Variants in DGKA observed in about 807,000 individuals in gnomAD.
DGKA encodes the protein diacylglycerol kinase alpha.
DGKA carries 35 observed loss-of-function variants against 105.0 expected under a neutral mutation model. The observed-to-expected ratio is 0.33, with a 90% CI of 0.25 to 0.44. The LOEUF (loss-of-function observed/expected upper bound fraction) is 0.44, where lower values mean the gene tolerates loss of function less well. DGKA is among the 20% of genes least tolerant of loss of function. The pLI, the probability that DGKA is intolerant of heterozygous loss-of-function variation, is 1.00. For missense variants in DGKA, 665 were observed against 915.0 expected (o/e 0.73, Z 3.53); for synonymous variants, 296 against 332.0 (o/e 0.89, Z 1.18).
chr12:55,938,172 G>A, intron 5 of DGKA, 120 bp downstream of exon 5: 3 of 930,450 alleles, frequency 3.2e-6, no homozygotes, highest in Non-Finnish European at 5.0e-6. Context: ...ACAAAGGTGG[G>A]GCCAGAGAAT....
chr12:55,951,827 A>G, intron 18 of DGKA, 44 bp downstream of exon 18: 2 of 1,601,620 alleles, frequency 1.2e-6, no homozygotes, highest in Non-Finnish European at 8.5e-7. Flanking sequence ...AGGGGGGGCC[A>G]AGCAGTCAGA....
rs796401115 is a variant in DGKA, at chr12:55,932,692, TACAC to T, written c.-82+1361_-82+1364del. 62 of 578,892 alleles carry T rather than the reference TACAC, an allele frequency of 1.1e-4. No individual in the cohort carries two copies. The highest frequency in any genetic ancestry group is 1.7e-4 in the African/African-American group (8 of 46,590). The allele number at this position is 578,892 out of a possible 1,614,324, so 35.9% of individuals were successfully genotyped here. On this transcript the variant is annotated intron_variant, in intron 1 of 23. Transcript: ENST00000331886. This position sits in a 1 kb window ranked among gnomAD's most constrained non-coding sequence, Gnocchi z 4.3. ...TCCTATACTACGCAATGACACCCTC[TACAC>T]ACACACACACACGCACACACACACA...
At position 55,953,340 on chromosome 12, in the gene DGKA, C is replaced by T; in HGVS notation, c.2064-10C>T. On this transcript the variant is annotated splice_polypyrimidine_tract_variant and intron_variant, in intron 22 of 23. Transcript: ENST00000331886. ...TAAGGAAATCACCAATGTTCCTTGG[C>T]CTCCTATAGCACCACAAAAACCCTT... 1 of 1,614,058 alleles carries T rather than the reference C, an allele frequency of 6.2e-7. No individual in the cohort carries two copies. The highest frequency in any genetic ancestry group is 8.5e-7 in the Non-Finnish European group (1 of 1,179,988).
Position 55,938,421 on chromosome 12 carries a change from T to G in DGKA, c.350-90T>G, listed in dbSNP as rs1031999186. ...CTAGGCTTCTCACCCAAAAGCTCTC[T>G]CCCTGTCTCTTTGTTTCCCCCATAT... On this transcript the variant is annotated intron_variant, in intron 5 of 23. Transcript: ENST00000331886. 24 of 1,545,922 alleles carry G rather than the reference T, an allele frequency of 1.6e-5. No homozygotes were observed. In the South Asian group the frequency reaches 2.5e-4, roughly 16 times the overall value.
At chr12:55,941,080 G>A in intron 13 of DGKA, 100 bp downstream of exon 13, 1 of 1,404,574 alleles carries the variant, frequency 7.1e-7, no homozygotes, top group Non-Finnish European at 9.8e-7. Flanking sequence ...GGGAGCGGTT[G>A]ATGCTCACTC....
rs368476640 is a variant in DGKA, at chr12:55,940,779, C to A, written c.1017+57C>A. 1.2e-6 allele frequency: 2 copies of A among 1,601,744 alleles called. No individual in the cohort carries two copies. The highest frequency in any genetic ancestry group is 1.7e-6 in the Non-Finnish European group (2 of 1,169,030). ...AGGAGTGCCTCCCCGATTTCCCACA[C>A]GCACAGAGTGGCATTTAGAATAGAG... On this transcript the variant is annotated intron_variant, in intron 12 of 23. Transcript: ENST00000331886. The surrounding 1 kb of genome is among the most constrained non-coding windows in gnomAD (Gnocchi z 4.3).
intron 7 of DGKA, 83 bp from the exon 8 acceptor site, chr12:55,939,103 G>A: frequency 6.2e-7 from 1 of 1,604,876 alleles, no homozygotes; most frequent in Non-Finnish European, 8.5e-7. Context: ...GGATGGCTGG[G>A]CTGGATATCC....
chr12:55,936,773 A>C, intron 2 of DGKA: 1 of 890,962 alleles, frequency 1.1e-6, no homozygotes, highest in Non-Finnish European at 1.8e-6. Context: ...ACTGGGCTGC[A>C]TTGTGCAAGG....
At chr12:55,934,401 G>A (rs1186636805) in intron 1 of DGKA, among the ~76,000 whole-genome samples, 2 of 152,216 alleles carry the variant, frequency 1.3e-5, no homozygotes, top group African/African-American at 2.4e-5. Flanking sequence ...AAAAGTGCCA[G>A]ATGGGTAGAG....
At chr12:55,953,257 C>T (rs1308561186) in intron 22 of DGKA, 93 bp from the exon 23 acceptor site, 2 of 1,610,224 alleles carry the variant, frequency 1.2e-6, no homozygotes, top group African/African-American at 2.7e-5. Flanking sequence ...CTAGATCTCC[C>T]TCAATGACAA....
intron 17 of DGKA, 106 bp from the exon 18 acceptor site, chr12:55,951,516 CT>C: frequency 8.1e-7 from 1 of 1,234,578 alleles, no homozygotes; most frequent in Non-Finnish European, 1.1e-6. Flanking sequence ...CTGGGAGGCT[CT>C]GTAGAAACAG....
At chr12:55,931,861 C>G (rs1353544872) in intron 1 of DGKA, 2 of 152,204 alleles carry the variant, frequency 1.3e-5, no homozygotes, top group Admixed American at 6.6e-5. Flanking sequence ...TCCAAAGCCC[C>G]GGACATATTC....
chr12:55,937,945 G>T (rs1231755334), intron 4 of DGKA, 33 bp from the exon 5 acceptor site: 5 of 1,591,150 alleles, frequency 3.1e-6, no homozygotes, highest in Admixed American at 1.7e-5. Flanking sequence ...AGTGGAGGGA[G>T]CCCTGACTTC....
intron 17 of DGKA, among the ~76,000 whole-genome samples, chr12:55,948,326 A>C (rs1003009611): frequency 6.6e-6 from 1 of 151,532 alleles, no homozygotes; most frequent in East Asian, 2.0e-4. Context: ...GCTTGAACCC[A>C]GGAGGCGGAG....
Position 55,940,642 on chromosome 12 carries a change from C to A in DGKA, c.937C>A (p.Gln313Lys). The A allele has an allele frequency of 3.8e-6, 6 of 1,585,060 alleles. No individual in the cohort carries two copies. The highest frequency in any genetic ancestry group is 5.1e-6 in the Non-Finnish European group (6 of 1,168,340). ...CTTTCAGATCCACGATGACTGCCTG[C>A]AAGCGGTGGGCCATGAGTGTGACTG... ...CHLEIHDDCLQAVGHECDCGL... is the reference protein window; with the variant it reads ...CHLEIHDDCLKAVGHECDCGL... The change falls in exon 12 of 24, where the codon CAA becomes AAA. Residue 313 changes from glutamine to lysine, a missense_variant. Transcript: ENST00000331886. This position sits in a 1 kb window ranked among gnomAD's most constrained non-coding sequence, Gnocchi z 4.3.
chr12:55,942,943 G>C (rs1350058535), intron 17 of DGKA, among the ~76,000 whole-genome samples: 1 of 152,046 alleles, frequency 6.6e-6, no homozygotes, highest in Non-Finnish European at 1.5e-5. Context: ...GGCCAGAGGA[G>C]CCACCAAACA....
At chr12:55,935,750 A>T in intron 1 of DGKA, 2 of 415,520 alleles carry the variant, frequency 4.8e-6, no homozygotes, top group Non-Finnish European at 6.5e-6. Context: ...CTAGTTCCCC[A>T]CCCTTCCCTA....
upstream of DGKA, chr12:55,927,760 A>T (rs1254945367): frequency 5.2e-6 from 8 of 1,539,118 alleles, no homozygotes; most frequent in South Asian, 6.0e-5. Context: ...GGCAGCTTCC[A>T]TGGCCGAAGA....
rs765584533 is a variant in DGKA at position 55,938,506 on chromosome 12, C to A, written c.350-5C>A. The A allele has an allele frequency of 2.7e-4, 434 of 1,613,962 alleles. No individual in the cohort carries two copies. The highest frequency in any genetic ancestry group is 2.4e-4 in the Non-Finnish European group (284 of 1,179,990). Reference sequence around the variant, plus strand: ...TGACCCTGGCCCCCCTAAAACACCCCACAGTCACCTTCAAGCTGTACGACA... The same window carrying A: ...TGACCCTGGCCCCCCTAAAACACCCAACAGTCACCTTCAAGCTGTACGACA... On this transcript the variant is annotated splice_region_variant and splice_polypyrimidine_tract_variant and intron_variant, in intron 5 of 23. Coordinates refer to ENST00000331886, the MANE Select transcript of DGKA (RefSeq NM_001345.5).
Sources: gnomAD v4.1 joint callset for allele counts (sites outside exome capture counted in the v4.1 genomes callset) on GRCh38, gnomAD v4.1.1 for gene constraint, Gnocchi (gnomAD v3.1) non-coding constraint, MANE v1.5 for transcripts, NCBI Gene and HGNC (gene_info 2026-07-23, HGNC 2026-07-21) for gene names.